MBNL2: variants seen among roughly 807,000 people sequenced by gnomAD.
The protein encoded by MBNL2 is muscleblind-like protein 2.
Under a neutral mutation model 41.9 loss-of-function variants are expected in MBNL2, and 17 were observed. The ratio of observed to expected loss-of-function variants is 0.41; its 90% CI spans 0.28 to 0.61. MBNL2 has a LOEUF of 0.61. Ranked by LOEUF, MBNL2 falls within the 20% of genes least tolerant of loss-of-function variation. The pLI is 0.35. For synonymous variants in MBNL2, 195 were observed against 182.9 expected (o/e 1.07, Z -0.53); for missense variants, 336 against 505.6 (o/e 0.66, Z 3.22).
At chr13:97,263,478 A>T (rs2049050741) in intron 1 of MBNL2, among the ~76,000 whole-genome samples, 2 of 152,186 alleles carry the variant, frequency 1.3e-5, no homozygotes, top group African/African-American at 4.8e-5. Context: ...CCTGAGGGAC[A>T]TGGTGGAAAC....
intron 1 of MBNL2, among the ~76,000 whole-genome samples, chr13:97,245,226 G>A (rs1408435334): frequency 1.3e-5 from 2 of 152,144 alleles, no homozygotes; most frequent in African/African-American, 4.8e-5. Flanking sequence ...AACTCACAAA[G>A]GAATTCTGAT....
At chr13:97,142,635 G>C in the MBNL2 span, among the ~76,000 whole-genome samples, 11 of 152,154 alleles carry the variant, frequency 7.2e-5, no homozygotes, top group African/African-American at 2.7e-4. Context: ...ACGCCTCCAC[G>C]GCTGCTTTGC....
At chr13:97,316,647 T>C (rs2059082586) in intron 2 of MBNL2, among the ~76,000 whole-genome samples, 1 of 152,218 alleles carries the variant, frequency 6.6e-6, no homozygotes, top group African/African-American at 2.4e-5. Context: ...ATGCTTCATC[T>C]GGATACAGGC....
upstream of MBNL2, among the ~76,000 whole-genome samples, chr13:97,219,594 A>T (rs747947238): frequency 2.0e-5 from 3 of 152,174 alleles, no homozygotes; most frequent in Non-Finnish European, 2.9e-5. Flanking sequence ...AGAGAGAAAC[A>T]GGCCTCTTTC....
intron 8 of MBNL2, among the ~76,000 whole-genome samples, chr13:97,369,919 T>A (rs1268315680): frequency 6.6e-6 from 1 of 152,202 alleles, no homozygotes; most frequent in African/African-American, 2.4e-5. Context: ...TCTGTTTCAG[T>A]TAAGGTATTT....
intron 1 of MBNL2, among the ~76,000 whole-genome samples, chr13:97,240,050 T>C (rs1029517855): frequency 1.3e-5 from 2 of 152,212 alleles, no homozygotes; most frequent in Non-Finnish European, 2.9e-5. Flanking sequence ...TTTTGTTAGA[T>C]ACACATACTC....
intron 1 of MBNL2, among the ~76,000 whole-genome samples, chr13:97,267,367 C>T (rs1433394152): frequency 1.3e-5 from 2 of 152,196 alleles, no homozygotes; most frequent in African/African-American, 2.4e-5. Context: ...TAAGTAAAGA[C>T]CCTAAAAATA....
At chr13:97,229,063 C>T (rs2042044930) in intron 1 of MBNL2, among the ~76,000 whole-genome samples, 2 of 150,432 alleles carry the variant, frequency 1.3e-5, no homozygotes, top group Admixed American at 6.6e-5. Flanking sequence ...TAGAGCCCAA[C>T]CCAAGCAATT....
chr13:97,252,902 G>C (rs939996946), intron 1 of MBNL2, among the ~76,000 whole-genome samples: 12 of 152,036 alleles, frequency 7.9e-5, no homozygotes, highest in Non-Finnish European at 8.8e-5. Flanking sequence ...ACCATTTCTT[G>C]ACTTTTTGAA....
intron 2 of MBNL2, among the ~76,000 whole-genome samples, chr13:97,302,583 A>G (rs989167752): frequency 6.6e-6 from 1 of 152,210 alleles, no homozygotes; most frequent in African/African-American, 2.4e-5. Context: ...CATTTTGTGG[A>G]TGTGACAGAT....
At chr13:97,251,887 A>G (rs1253474598) in intron 1 of MBNL2, among the ~76,000 whole-genome samples, 4 of 112,938 alleles carry the variant, frequency 3.5e-5, no homozygotes, top group Non-Finnish European at 4.9e-5. Flanking sequence ...TCCGTCGCCC[A>G]GGCCGGACTG....
chr13:97,320,944 G>A (rs1254074273), intron 2 of MBNL2, among the ~76,000 whole-genome samples: 1 of 152,010 alleles, frequency 6.6e-6, no homozygotes, highest in African/African-American at 2.4e-5. Context: ...TATTTTCCCT[G>A]TGTCTCTTTC....
the MBNL2 span, among the ~76,000 whole-genome samples, chr13:97,209,049 G>A: frequency 6.6e-6 from 1 of 152,042 alleles, no homozygotes; most frequent in Non-Finnish European, 1.5e-5. Flanking sequence ...AAATCAAACT[G>A]GCCAGCCAAC....
chr13:97,211,822 C>T, the MBNL2 span, among the ~76,000 whole-genome samples: 2 of 152,134 alleles, frequency 1.3e-5, no homozygotes, highest in Non-Finnish European at 2.9e-5. Context: ...TAAAACATAG[C>T]ACATGTCCTT....
chr13:97,187,828 AC>A, the MBNL2 span, among the ~76,000 whole-genome samples: 25 of 149,076 alleles, frequency 1.7e-4, no homozygotes, highest in South Asian at 2.4e-3. Context: ...AATGGCGTGA[AC>A]CCCGGGACGG....
At chr13:97,158,016 A>T in the MBNL2 span, among the ~76,000 whole-genome samples, 4 of 148,948 alleles carry the variant, frequency 2.7e-5, no homozygotes, top group African/African-American at 7.4e-5. Flanking sequence ...CTGTGAATCC[A>T]TCTGGTCCTG....
the MBNL2 span, among the ~76,000 whole-genome samples, chr13:97,180,032 A>T: frequency 6.6e-6 from 1 of 152,262 alleles, no homozygotes; most frequent in Admixed American, 6.5e-5. Flanking sequence ...CAGAGAATGT[A>T]TAAGGTATGA....
chr13:97,260,573 C>T (rs535495035), intron 1 of MBNL2, among the ~76,000 whole-genome samples: 1 of 152,218 alleles, frequency 6.6e-6, no homozygotes, highest in Non-Finnish European at 1.5e-5. Flanking sequence ...GAGAAGTGGT[C>T]AGACTCTGGC....
intron 1 of MBNL2, among the ~76,000 whole-genome samples, chr13:97,257,718 A>G (rs905853699): frequency 1.3e-5 from 2 of 152,196 alleles, no homozygotes; most frequent in African/African-American, 2.4e-5. Context: ...CTCCATGTAA[A>G]TCATGAGCAC....
Sources: allele counts gnomAD v4.1 joint callset (sites outside exome capture counted in the v4.1 genomes callset), GRCh38; gene constraint gnomAD v4.1.1; transcripts MANE v1.5; gene names NCBI Gene and HGNC (gene_info 2026-07-23, HGNC 2026-07-21).